NECTIN3: variants seen among roughly 807,000 people sequenced by gnomAD.
NECTIN3 encodes the protein nectin cell adhesion molecule 3, also known as nectin-3.
Under a neutral mutation model 49.4 loss-of-function variants are expected in NECTIN3, and 8 were observed. The ratio of observed to expected loss-of-function variants is 0.16; its 90% confidence interval spans 0.10 to 0.29. The LOEUF (loss-of-function observed/expected upper bound fraction) is 0.29, where lower values mean the gene tolerates loss of function less well. Ranked by LOEUF, NECTIN3 falls within the 10% of genes least tolerant of loss-of-function variation. The pLI is 1.00. For missense variants in NECTIN3, 581 were observed against 654.6 expected, an observed-to-expected ratio of 0.89 and a Z score of 1.23; for synonymous variants, 277 against 241.1, an observed-to-expected ratio of 1.15 and a Z score of -1.38.
intron 1 of NECTIN3, among the ~76,000 whole-genome samples, chr3:111,086,194 AC>A (rs1175016261): frequency 6.6e-6 from 1 of 151,622 alleles, no homozygotes; most frequent in Non-Finnish European, 1.5e-5. Flanking sequence ...CTAAATATGA[AC>A]CCTTTGTTAA....
intron 4 of NECTIN3, among the ~76,000 whole-genome samples, chr3:111,123,463 TTAGAG>T (rs1559793356): frequency 1.3e-5 from 2 of 152,146 alleles, no homozygotes; most frequent in Non-Finnish European, 2.9e-5. Context: ...TAGATTCCAC[TTAGAG>T]TAATCAGGTA....
intron 1 of NECTIN3, among the ~76,000 whole-genome samples, chr3:111,095,421 A>G (rs1476025327): frequency 6.6e-6 from 1 of 152,134 alleles, no homozygotes; most frequent in Non-Finnish European, 1.5e-5. Flanking sequence ...TTATAGTATT[A>G]TAGTGTGCAT....
intron 7 of NECTIN3, among the ~76,000 whole-genome samples, chr3:111,171,844 CT>C (rs1292321177): frequency 6.6e-6 from 1 of 152,052 alleles, no homozygotes; most frequent in East Asian, 1.9e-4. Context: ...ACTTGCCCTG[CT>C]AAAGGTCTGT....
chr3:111,122,807 A>G (rs1348530818), intron 4 of NECTIN3, among the ~76,000 whole-genome samples: 1 of 152,028 alleles, frequency 6.6e-6, no homozygotes, highest in East Asian at 1.9e-4. Flanking sequence ...CTGAAATTTC[A>G]AACTGTTATA....
At chr3:111,103,436 C>A (rs1161866956) in intron 1 of NECTIN3, among the ~76,000 whole-genome samples, 1 of 149,276 alleles carries the variant, frequency 6.7e-6, no homozygotes, top group African/African-American at 2.5e-5. Flanking sequence ...ATTACTGATA[C>A]GTAAGAAAGT....
chr3:111,074,787 G>A (rs2031058734), intron 1 of NECTIN3: 1 of 151,912 alleles, frequency 6.6e-6, no homozygotes, highest in Non-Finnish European at 1.5e-5. Context: ...CTTGATAAAC[G>A]TCATTTAATT....
chr3:111,155,318 G>T (rs1010663017), intron 7 of NECTIN3, among the ~76,000 whole-genome samples: 2 of 152,282 alleles, frequency 1.3e-5, no homozygotes, highest in Non-Finnish European at 2.9e-5. Flanking sequence ...TTTATCTCTG[G>T]AATGGGGGCG....
intron 1 of NECTIN3, among the ~76,000 whole-genome samples, chr3:111,099,208 G>A (rs1177681442): frequency 6.6e-6 from 1 of 152,088 alleles, no homozygotes; most frequent in Non-Finnish European, 1.5e-5. Context: ...GAAAGAAAAT[G>A]TTACTTTCTA....
At chr3:111,093,518 T>C (rs1306582341) in intron 1 of NECTIN3, among the ~76,000 whole-genome samples, 3 of 148,386 alleles carry the variant, frequency 2.0e-5, no homozygotes, top group Non-Finnish European at 4.5e-5. Context: ...CCCTGCAACC[T>C]CCACCTCCTG....
rs1313448461 is a variant in NECTIN3 at position 111,135,407 on chromosome 3, A to G, written c.*1192A>G. The G allele has an allele frequency of 1.1e-6, 1 of 929,280 alleles. No individual in the cohort carries two copies. Among genetic ancestry groups the G allele is most frequent in the Non-Finnish European group, 1.3e-6 (1 of 779,196 alleles). 57.6% of individuals were successfully genotyped at this position (929,280 alleles called of 1,614,324 possible). A position where few individuals can be genotyped will look rare whatever the true frequency, so the allele number is the denominator to read the frequency against. ...AGGTTTTTTGTTTTTGTTTTTTTACATAATTACATATATTCCTTCTGAATC... is the reference window on the plus strand; with the variant it reads ...AGGTTTTTTGTTTTTGTTTTTTTACGTAATTACATATATTCCTTCTGAATC... On this transcript the variant is annotated 3_prime_UTR_variant, in exon 6 of 6. Coordinates refer to ENST00000485303, the MANE Select transcript of NECTIN3 (RefSeq NM_015480.3).
At chr3:111,160,313 C>A (rs1487919906) in intron 7 of NECTIN3, among the ~76,000 whole-genome samples, 1 of 152,072 alleles carries the variant, frequency 6.6e-6, no homozygotes, top group Non-Finnish European at 1.5e-5. Flanking sequence ...TTTGTTAACC[C>A]AATTGTGTTT....
intron 1 of NECTIN3, chr3:111,074,328 C>T (rs1054058614): frequency 2.4e-6 from 1 of 425,378 alleles, no homozygotes; most frequent in Admixed American, 2.5e-5. Flanking sequence ...CATAGTACTG[C>T]TTACAAGGTT....
chr3:111,145,087 A>C (rs751244570), intron 6 of NECTIN3: 8 of 1,485,146 alleles, frequency 5.4e-6, no homozygotes, highest in Non-Finnish European at 7.3e-6. Context: ...GTATGTGTCC[A>C]ATCTTTATGT....
At chr3:111,123,450 C>T (rs1429834161) in intron 4 of NECTIN3, among the ~76,000 whole-genome samples, 1 of 152,098 alleles carries the variant, frequency 6.6e-6, no homozygotes, top group Non-Finnish European at 1.5e-5. Flanking sequence ...GGGGATTGCT[C>T]ATTAGATTCC....
chr3:111,162,491 G>A (rs1268696895), intron 7 of NECTIN3, among the ~76,000 whole-genome samples: 2 of 152,060 alleles, frequency 1.3e-5, no homozygotes, highest in African/African-American at 4.8e-5. Flanking sequence ...ATGATTATAA[G>A]TTTCTCGAGA....
intron 1 of NECTIN3, among the ~76,000 whole-genome samples, chr3:111,098,487 G>A (rs1164347418): frequency 1.3e-5 from 2 of 152,136 alleles, no homozygotes; most frequent in Non-Finnish European, 2.9e-5. Flanking sequence ...TCTTGTGGCT[G>A]CATAACTCCA....
chr3:111,186,053 T>C (rs576857136), intron 7 of NECTIN3, among the ~76,000 whole-genome samples: 4 of 152,272 alleles, frequency 2.6e-5, no homozygotes, highest in African/African-American at 9.6e-5. Flanking sequence ...GTTCTTCATA[T>C]ACTCTGTACT....
chr3:111,074,033 C>G (rs1576058383), intron 1 of NECTIN3, among the ~76,000 whole-genome samples: 1 of 151,324 alleles, frequency 6.6e-6, no homozygotes, highest in African/African-American at 2.4e-5. Flanking sequence ...TTAGAGTCAA[C>G]TCTTCTTGTT....
At chr3:111,130,056 C>G (rs1193376235) in intron 5 of NECTIN3, among the ~76,000 whole-genome samples, 1 of 149,062 alleles carries the variant, frequency 6.7e-6, no homozygotes, top group South Asian at 2.2e-4. Flanking sequence ...CCCGGGTTCA[C>G]GGCCACTCTC....
Sources: allele counts gnomAD v4.1 joint callset (sites outside exome capture counted in the v4.1 genomes callset), GRCh38; gene constraint gnomAD v4.1.1; transcripts MANE v1.5; gene names NCBI Gene and HGNC (gene_info 2026-07-23, HGNC 2026-07-21).